INPP5A: variants seen among roughly 807,000 people sequenced by gnomAD.
The protein encoded by INPP5A is 43 kDa inositol polyphosphate 5-phophatase.
Under a neutral mutation model 65.2 loss-of-function variants are expected in INPP5A, and 14 were observed. The observed-to-expected ratio is 0.21, with a 90% CI of 0.14 to 0.34. The LOEUF (loss-of-function observed/expected upper bound fraction) is 0.34. INPP5A is among the 10% of genes least tolerant of loss of function. INPP5A has a pLI of 1.00. For missense variants in INPP5A, 431 were observed against 545.6 expected (o/e 0.79, Z 2.09); for synonymous variants, 207 against 208.3 (o/e 0.99, Z 0.05).
intron 8 of INPP5A, among the ~76,000 whole-genome samples, chr10:132,724,590 G>T (rs1371669137): frequency 6.6e-6 from 1 of 151,738 alleles, no homozygotes; most frequent in Non-Finnish European, 1.5e-5. Flanking sequence ...CTCACAAGGA[G>T]GCCCCAGGCC....
intron 1 of INPP5A, among the ~76,000 whole-genome samples, chr10:132,544,250 G>A (rs923252223): frequency 1.2e-4 from 19 of 152,260 alleles, no homozygotes; most frequent in Admixed American, 5.9e-4. Flanking sequence ...CCTGCAGTAG[G>A]TGGGGCCCTG....
At chr10:132,739,717 C>T (rs561142961) in intron 9 of INPP5A, among the ~76,000 whole-genome samples, 13 of 152,296 alleles carry the variant, frequency 8.5e-5, no homozygotes, top group Admixed American at 1.3e-4. Flanking sequence ...CTGGAGCCTC[C>T]GGGAGTTAAT....
intron 2 of INPP5A, among the ~76,000 whole-genome samples, chr10:132,609,372 G>A (rs768073673): frequency 7.2e-5 from 11 of 152,146 alleles, no homozygotes; most frequent in Non-Finnish European, 1.3e-4. Context: ...TATGTCAACC[G>A]CACGTCGGGG....
intron 12 of INPP5A, among the ~76,000 whole-genome samples, chr10:132,769,017 A>G (rs2767428): frequency 0.91 from 139,265 of 152,232 alleles, 63,858 homozygotes; most frequent in East Asian, 1. Context: ...GAGAGGAGAC[A>G]GCATTCCTAG....
intron 1 of INPP5A, among the ~76,000 whole-genome samples, chr10:132,594,641 GTGCA>G (rs2071661279): frequency 6.6e-6 from 1 of 151,826 alleles, no homozygotes; most frequent in Non-Finnish European, 1.5e-5. Flanking sequence ...GTGGTGTGTG[GTGCA>G]TGCATGTGTG....
chr10:132,606,472 C>T (rs944419035), intron 1 of INPP5A, among the ~76,000 whole-genome samples: 6 of 152,292 alleles, frequency 3.9e-5, no homozygotes, highest in South Asian at 4.2e-4. Flanking sequence ...TCTCTCCCTT[C>T]GCGTGTGTGT....
At chr10:132,711,813 G>T (rs1318509296) in intron 8 of INPP5A, among the ~76,000 whole-genome samples, 1 of 152,240 alleles carries the variant, frequency 6.6e-6, no homozygotes. Context: ...CAACTGCCTG[G>T]GGCTGCACAG....
At chr10:132,695,250 G>T (rs1330394647) in intron 5 of INPP5A, among the ~76,000 whole-genome samples, 8 of 151,990 alleles carry the variant, frequency 5.3e-5, no homozygotes, top group Non-Finnish European at 1.2e-4. Context: ...AAAATCACAT[G>T]ATCATAGGAT....
At chr10:132,617,298 T>G (rs1276628649) in intron 2 of INPP5A, among the ~76,000 whole-genome samples, 3 of 152,168 alleles carry the variant, frequency 2.0e-5, no homozygotes, top group Non-Finnish European at 4.4e-5. Context: ...GCAGTGTGGC[T>G]TGGGGCAAAG....
intron 8 of INPP5A, among the ~76,000 whole-genome samples, chr10:132,718,123 A>ATCT (rs2134552404): frequency 1.4e-5 from 1 of 69,522 alleles, no homozygotes; most frequent in Non-Finnish European, 2.8e-5. Context: ...GGTACCTGGG[A>ATCT]GCTGTCTGGG....
At chr10:132,586,844 C>A (rs2071551361) in intron 1 of INPP5A, among the ~76,000 whole-genome samples, 1 of 152,138 alleles carries the variant, frequency 6.6e-6, no homozygotes, top group Non-Finnish European at 1.5e-5. Flanking sequence ...CGCGGCGAGG[C>A]CACGGTTCTC....
At position 132,704,975 on chromosome 10, in the gene INPP5A, G is replaced by A. The variant is rs373917979; in HGVS notation, c.475-3338G>A. On this transcript the variant is annotated intron_variant, in intron 6 of 15. Transcript: ENST00000368594. The surrounding 1 kb of genome is among the most constrained non-coding windows in gnomAD (Gnocchi z 4.5). ...ATGGAGGAAGGGCGTCTGGACAGGC[G>A]GCAGGCAGCTCCTCTGGAGTGTGGA... Among the ~76,000 whole-genome samples the A allele has an allele frequency of 9.4e-4, 133 of 141,414 alleles. 4 individuals are homozygous for A. The South Asian group carries it at 0.026, about 28-fold the overall frequency. 92.8% of individuals were successfully genotyped at this position (141,414 alleles called of 152,430 possible).
intron 4 of INPP5A, among the ~76,000 whole-genome samples, chr10:132,668,879 G>C (rs1040102935): frequency 6.6e-6 from 1 of 152,086 alleles, no homozygotes; most frequent in Non-Finnish European, 1.5e-5. Context: ...TTTATTGAGC[G>C]TGTACTGCTT....
chr10:132,761,321 A>G (rs1286836478), intron 11 of INPP5A, among the ~76,000 whole-genome samples: 7 of 152,258 alleles, frequency 4.6e-5, no homozygotes, highest in African/African-American at 1.7e-4. Flanking sequence ...GGAACAGGAA[A>G]GGCACTGCAG....
At chr10:132,619,580 C>T (rs1027722233) in intron 2 of INPP5A, among the ~76,000 whole-genome samples, 1 of 152,226 alleles carries the variant, frequency 6.6e-6, no homozygotes, top group African/African-American at 2.4e-5. Context: ...TGGGGACTCT[C>T]TGTGGGAGCT....
At chr10:132,701,561 C>T (rs1032282944) in intron 6 of INPP5A, among the ~76,000 whole-genome samples, 4 of 152,254 alleles carry the variant, frequency 2.6e-5, no homozygotes, top group Non-Finnish European at 5.9e-5. Flanking sequence ...AGCATGTGAG[C>T]GTTGGCTGAG....
At chr10:132,749,711 T>C (rs1846438326) in intron 10 of INPP5A, 60 bp from the exon 11 acceptor site, 1 of 1,597,342 alleles carries the variant, frequency 6.3e-7, no homozygotes. Flanking sequence ...CGGTGGGGGC[T>C]AGGGGACACG....
chr10:132,625,917 G>T (rs1035319492), intron 2 of INPP5A, among the ~76,000 whole-genome samples: 2 of 151,718 alleles, frequency 1.3e-5, no homozygotes, highest in African/African-American at 2.4e-5. Flanking sequence ...ACTTGAGGTA[G>T]TTTATACACA....
At chr10:132,777,844 C>T in intron 13 of INPP5A, 62 bp downstream of exon 13, 3 of 1,582,246 alleles carry the variant, frequency 1.9e-6, no homozygotes, top group Non-Finnish European at 2.6e-6. Context: ...TCTGGTCTGG[C>T]CCAGCCCTGG....
Sources: allele counts gnomAD v4.1 joint callset (sites outside exome capture counted in the v4.1 genomes callset), GRCh38; gene constraint gnomAD v4.1.1; non-coding constraint Gnocchi (gnomAD v3.1); transcripts MANE v1.5; gene names NCBI Gene and HGNC (gene_info 2026-07-23, HGNC 2026-07-21).